SLC23A2: variants seen among roughly 807,000 people sequenced by gnomAD.
SLC23A2 encodes the protein solute carrier family 23 member 2.
Under a neutral mutation model 73.3 loss-of-function variants are expected in SLC23A2, and 36 were observed. The ratio of observed to expected loss-of-function variants is 0.49; its 90% confidence interval spans 0.38 to 0.65. The LOEUF is 0.65. Among genes scored for constraint, SLC23A2 ranks in the 30% least tolerant of loss-of-function variants. The probability of loss-of-function intolerance (pLI) is 0.00; values close to 1 mark genes in which losing one functional copy is unlikely to be tolerated. For missense variants in SLC23A2, 507 were observed against 841.6 expected, an observed-to-expected ratio of 0.60 and a Z score of 4.92; for synonymous variants, 343 against 327.3, an observed-to-expected ratio of 1.05 and a Z score of -0.52.
intron 11 of SLC23A2, among the ~76,000 whole-genome samples, chr20:4,870,904 T>C (rs943296466): frequency 7.2e-5 from 11 of 152,340 alleles, no homozygotes; most frequent in African/African-American, 2.6e-4. Context: ...TCATAAACCA[T>C]GTTATGGGAA....
chr20:4,983,374 C>A (rs564533586), intron 1 of SLC23A2, among the ~76,000 whole-genome samples: 1 of 151,796 alleles, frequency 6.6e-6, no homozygotes, highest in Non-Finnish European at 1.5e-5. Flanking sequence ...AGGCTGGGCG[C>A]AGTGGCTCAC....
chr20:4,947,977 G>A lies in SLC23A2; in HGVS notation c.-154-15261C>T, dbSNP rs2087143046. On this transcript the variant is annotated intron_variant, in intron 2 of 16. Transcript: ENST00000338244. This position sits in a 1 kb window ranked among gnomAD's most constrained non-coding sequence, Gnocchi z 4.4. Reference sequence around the variant, plus strand: ...TTGGGAGCCTGGATAACTTCCAGGAGATGGCTGTGCCCTGCTGATTCAGTC... The same window carrying A: ...TTGGGAGCCTGGATAACTTCCAGGAAATGGCTGTGCCCTGCTGATTCAGTC... 6.6e-6 allele frequency among the ~76,000 whole-genome samples: 1 copy of A among 152,212 alleles called. No homozygotes were observed. The highest frequency in any genetic ancestry group is 2.1e-4 in the South Asian group (1 of 4,830).
rs78788375 is a variant in SLC23A2 at position 4,973,136 on chromosome 20, C to T, written c.-281-2217G>A. On this transcript the variant is annotated intron_variant, in intron 1 of 16. Coordinates refer to ENST00000338244, the MANE Select transcript of SLC23A2 (RefSeq NM_005116.6). ...TAATTACATAGTATGCATTTGTGTACACAGAACAGGGCTGGCAAGGATACA... is the reference window on the plus strand; with the variant it reads ...TAATTACATAGTATGCATTTGTGTATACAGAACAGGGCTGGCAAGGATACA... Among the ~76,000 whole-genome samples, 33 of 152,268 alleles carry T rather than the reference C, an allele frequency of 2.2e-4. 1 individual carries two copies. In the East Asian group the frequency reaches 5.2e-3, roughly 24 times the overall value.
In SLC23A2 at chr20:4,872,317, A is replaced by AG. The variant is rs35537410; in HGVS notation, c.1102+1618_1102+1619insC. Among the ~76,000 whole-genome samples the AG allele has an allele frequency of 0.14, 21,944 of 152,126 alleles. 1,748 individuals carry two copies. Among genetic ancestry groups the AG allele is most frequent in the African/African-American group, 0.2 (8,496 of 41,480 alleles). ...TATCCCTGGAGGTGGCTTTCTAGCT[A>AG]TGGAGCTCTGGTACCCCACCAGCCC... On this transcript the variant is annotated intron_variant, in intron 11 of 16. Transcript: ENST00000338244. This position sits in a 1 kb window ranked among gnomAD's most constrained non-coding sequence, Gnocchi z 4.4.
intron 1 of SLC23A2, 75 bp from the exon 2 acceptor site, chr20:4,970,994 T>G (rs2087551556): frequency 6.6e-6 from 1 of 152,136 alleles, no homozygotes; most frequent in Non-Finnish European, 1.5e-5. Flanking sequence ...TGGAGTCTAT[T>G]TTTCACCCAG....
intron 2 of SLC23A2, among the ~76,000 whole-genome samples, chr20:4,949,205 T>C (rs1346611321): frequency 6.6e-6 from 1 of 151,310 alleles, no homozygotes; most frequent in Non-Finnish European, 1.5e-5. Context: ...GGAGAGTTGC[T>C]TGAACCTGGG....
chr20:4,982,997 C>T (rs1224338716), intron 1 of SLC23A2, among the ~76,000 whole-genome samples: 6 of 151,840 alleles, frequency 4.0e-5, no homozygotes, highest in Non-Finnish European at 4.4e-5. Context: ...CCCAGCTACT[C>T]GGGAGGCTGA....
At chr20:5,009,861 C>T (rs1412014876) in intron 1 of SLC23A2, among the ~76,000 whole-genome samples, 1 of 151,582 alleles carries the variant, frequency 6.6e-6, no homozygotes, top group Admixed American at 6.6e-5. Flanking sequence ...TTTGGGAGGC[C>T]GAGGCGGGCG....
chr20:4,969,669 T>C (rs1048133420), intron 2 of SLC23A2, among the ~76,000 whole-genome samples: 1 of 151,606 alleles, frequency 6.6e-6, no homozygotes, highest in African/African-American at 2.4e-5. Flanking sequence ...ACTAAATCCT[T>C]GAACTCCTGG....
At position 4,871,861 on chromosome 20, in the gene SLC23A2, T is replaced by C. The variant is rs6052948; in HGVS notation, c.1103-1808A>G. Among the ~76,000 whole-genome samples the C allele has an allele frequency of 2.6e-5, 4 of 152,344 alleles. No homozygotes were observed. The East Asian group carries it at 7.7e-4, about 29-fold the overall frequency. Reference sequence around the variant, plus strand: ...TTTGCTTTTTCTCAATTATCTTTTATACTGTTATCTTGTTATTGTTGTAGC... The same window carrying C: ...TTTGCTTTTTCTCAATTATCTTTTACACTGTTATCTTGTTATTGTTGTAGC... On this transcript the variant is annotated intron_variant, in intron 11 of 16. Coordinates refer to ENST00000338244, the MANE Select transcript of SLC23A2 (RefSeq NM_005116.6).
chr20:4,859,661 G>A (rs1019359574), intron 15 of SLC23A2, among the ~76,000 whole-genome samples: 4 of 152,122 alleles, frequency 2.6e-5, no homozygotes, highest in African/African-American at 7.2e-5. Flanking sequence ...ACCCTACAAC[G>A]AACTGTGAAG....
chr20:4,973,019 A>C (rs1315763960), intron 1 of SLC23A2, among the ~76,000 whole-genome samples: 1 of 152,242 alleles, frequency 6.6e-6, no homozygotes, highest in East Asian at 1.9e-4. Flanking sequence ...AGAATGGCTT[A>C]CTTTCAGTTA....
chr20:4,886,079 C>T (rs986697598), intron 6 of SLC23A2, 170 bp from the exon 7 acceptor site: 15 of 535,918 alleles, frequency 2.8e-5, no homozygotes, highest in African/African-American at 2.7e-4. Context: ...CATGCAGCCA[C>T]AGCCAGTGGC....
intron 1 of SLC23A2, among the ~76,000 whole-genome samples, chr20:4,972,163 GA>G (rs1241529231): frequency 6.6e-6 from 1 of 152,168 alleles, no homozygotes; most frequent in Non-Finnish European, 1.5e-5. Flanking sequence ...CCCTTGTGAA[GA>G]AAAACGTGCA....
At chr20:4,926,399 G>A (rs1932670329) in intron 3 of SLC23A2, among the ~76,000 whole-genome samples, 1 of 152,168 alleles carries the variant, frequency 6.6e-6, no homozygotes, top group Non-Finnish European at 1.5e-5. Flanking sequence ...TCCAGGTTTA[G>A]GTGGTCCAAG....
At chr20:4,860,905 G>A (rs1454407888) in intron 15 of SLC23A2, among the ~76,000 whole-genome samples, 2 of 152,184 alleles carry the variant, frequency 1.3e-5, no homozygotes, top group African/African-American at 2.4e-5. Context: ...ACCGGGTGTG[G>A]TGGTGGGTGC....
intron 2 of SLC23A2, among the ~76,000 whole-genome samples, chr20:4,959,464 T>C (rs2087345308): frequency 1.3e-5 from 2 of 152,284 alleles, no homozygotes; most frequent in South Asian, 4.1e-4. Context: ...GACAAGAACA[T>C]GTACATAAAT....
chr20:4,936,938 C>T (rs559444962), intron 2 of SLC23A2, among the ~76,000 whole-genome samples: 44 of 152,150 alleles, frequency 2.9e-4, no homozygotes, highest in South Asian at 2.5e-3. Context: ...CTGAGAAAGG[C>T]GTCAGGGAAG....
chr20:4,902,632 A>T lies in SLC23A2; in HGVS notation c.208-74T>A. The T allele has an allele frequency of 1.4e-6, 1 of 710,028 alleles. No individual in the cohort carries two copies. The highest frequency in any genetic ancestry group is 2.3e-6 in the Non-Finnish European group (1 of 431,492). 44.0% of individuals were successfully genotyped at this position (710,028 alleles called of 1,614,324 possible). On this transcript the variant is annotated intron_variant, in intron 4 of 16. Transcript: ENST00000338244. This position sits in a 1 kb window ranked among gnomAD's most constrained non-coding sequence, Gnocchi z 4.0. ...GTGTTAGCTCGGCCATGTACAGGCC[A>T]CTATTACAGAAAAACAACTTTATCA...
Sources: gnomAD v4.1 joint callset for allele counts (sites outside exome capture counted in the v4.1 genomes callset) on GRCh38, gnomAD v4.1.1 for gene constraint, Gnocchi (gnomAD v3.1) non-coding constraint, MANE v1.5 for transcripts, NCBI Gene and HGNC (gene_info 2026-07-23, HGNC 2026-07-21) for gene names.